The following FRYL variants were observed in gnomAD, a reference collection of about 807,000 sequenced individuals.
FRYL encodes FRY like transcription coactivator, also known as protein furry homolog-like.
Under a neutral mutation model 351.2 loss-of-function variants are expected in FRYL, and 150 were observed. The observed-to-expected ratio is 0.43, with a 90% CI of 0.37 to 0.49. FRYL has a LOEUF of 0.49. Among genes scored for constraint, FRYL ranks in the 20% least tolerant of loss-of-function variants. The pLI is 0.00. For missense variants in FRYL, 3,036 were observed against 3,619.3 expected (o/e 0.84, Z 4.13); for synonymous variants, 1,153 against 1,257.1 (o/e 0.92, Z 1.75).
Position 48,540,530 on chromosome 4 carries a change from T to A in FRYL, c.6118A>T (p.Ser2040Cys). ...LIHLPLDKSE[S>C]REKIENVQSK... The stretch of plus-strand genomic sequence containing the variant: ...TGTACATTTTCAATCTTCTCTCGAC[T>A]CTCTGATTTATCCAAAGGCAAATGG... The change falls in exon 46 of 64, where the codon AGT becomes TGT. Residue 2040 changes from serine to cysteine, a missense_variant. Physicochemically the swap from Ser to Cys is moderately radical, Grantham distance 112 (BLOSUM62 -1). Transcript: ENST00000358350. 1.2e-6 allele frequency: 2 copies of A among 1,614,042 alleles called. No individual in the cohort carries two copies. Among genetic ancestry groups the A allele is most frequent in the South Asian group, 1.1e-5 (1 of 91,078 alleles).
chr4:48,731,294 C>T (rs1308820178), intron 1 of FRYL, among the ~76,000 whole-genome samples: 1 of 152,074 alleles, frequency 6.6e-6, no homozygotes, highest in Non-Finnish European at 1.5e-5. Flanking sequence ...AGGACACAAA[C>T]AAATGGAAAA....
At chr4:48,769,097 G>A (rs1024148384) in intron 1 of FRYL, among the ~76,000 whole-genome samples, 1 of 152,152 alleles carries the variant, frequency 6.6e-6, no homozygotes, top group African/African-American at 2.4e-5. Context: ...TTGCACCACT[G>A]CACTCCAGCC....
At chr4:48,779,552 C>T (rs1274415845) in intron 1 of FRYL, among the ~76,000 whole-genome samples, 1 of 151,888 alleles carries the variant, frequency 6.6e-6, no homozygotes, top group African/African-American at 2.4e-5. Context: ...GCCCGCCAGC[C>T]GCCGCGCTAA....
At chr4:48,651,861 C>T (rs551565027) in intron 3 of FRYL, among the ~76,000 whole-genome samples, 2 of 152,294 alleles carry the variant, frequency 1.3e-5, no homozygotes, top group East Asian at 3.9e-4. Flanking sequence ...TAAAAACGTT[C>T]TTCCACTTTC....
chr4:48,509,198 C>G (rs527384241), intron 59 of FRYL, among the ~76,000 whole-genome samples: 1 of 152,300 alleles, frequency 6.6e-6, no homozygotes, highest in Admixed American at 6.5e-5. Flanking sequence ...AAGGAATAAT[C>G]TTCGCAATAC....
intron 3 of FRYL, among the ~76,000 whole-genome samples, chr4:48,675,680 T>C (rs1205702634): frequency 6.6e-6 from 1 of 152,166 alleles, no homozygotes. Flanking sequence ...CACTCCCTGC[T>C]CCACGGTGCC....
chr4:48,671,871 A>AAAAAAAAAAAAAAAAAAAAG (rs1762789391), intron 3 of FRYL, among the ~76,000 whole-genome samples: 1 of 52,556 alleles, frequency 1.9e-5, no homozygotes, highest in Non-Finnish European at 4.1e-5. Flanking sequence ...AAAAAAAAAA[A>AAAAAAAAAAAAAAAAAAAAG]ACAAAAAAAA....
rs201815095 is a variant in FRYL, at chr4:48,546,133, T to C, written c.5213A>G (p.Asn1738Ser). 35 of 1,613,722 alleles carry C rather than the reference T, an allele frequency of 2.2e-5. No homozygotes were observed. Among genetic ancestry groups the C allele is most frequent in the Admixed American group, 2.2e-4 (13 of 59,958 alleles). The change falls in exon 42 of 64, where the codon AAT becomes AGT. Residue 1738 changes from asparagine (N) to serine (S), a missense_variant. Physicochemically the swap from Asn to Ser is conservative, Grantham distance 46. Coordinates refer to ENST00000358350, the MANE Select transcript of FRYL (RefSeq NM_015030.2). The stretch of plus-strand genomic sequence containing the variant: ...CTGCTCCACTGAGATGTCAACCTCA[T>C]TGAGGATAGTGGTGTGCAGATGTGA... ...AISHLHTTILNEVDISVEQDG... is the reference protein window; with the variant it reads ...AISHLHTTILSEVDISVEQDG...
chr4:48,748,393 A>C (rs1183879100), intron 1 of FRYL, among the ~76,000 whole-genome samples: 1 of 152,170 alleles, frequency 6.6e-6, no homozygotes. Context: ...CTTTCCTTAT[A>C]ATTGTTTATG....
At chr4:48,630,152 C>CA (rs1249043664) in intron 4 of FRYL, among the ~76,000 whole-genome samples, 3 of 151,982 alleles carry the variant, frequency 2.0e-5, no homozygotes, top group African/African-American at 7.2e-5. Flanking sequence ...ACAAGTCCCC[C>CA]AAAAAAGATC....
chr4:48,702,696 G>T (rs1305309807), intron 2 of FRYL, among the ~76,000 whole-genome samples: 1 of 142,272 alleles, frequency 7.0e-6, no homozygotes, highest in Non-Finnish European at 1.5e-5. Flanking sequence ...GGGAGGCGGA[G>T]CTTACAGTGA....
At chr4:48,698,682 T>C (rs542257493) in intron 2 of FRYL, among the ~76,000 whole-genome samples, 6 of 152,264 alleles carry the variant, frequency 3.9e-5, no homozygotes, top group African/African-American at 1.2e-4. Context: ...CATTCCAAAT[T>C]AGTTTGGTCA....
At chr4:48,774,125 G>C (rs757893817) in intron 1 of FRYL, among the ~76,000 whole-genome samples, 1 of 152,050 alleles carries the variant, frequency 6.6e-6, no homozygotes, top group African/African-American at 2.4e-5. Context: ...TGGATCAGTG[G>C]TTGCCTAGGG....
In FRYL at chr4:48,594,007, C is replaced by A; in HGVS notation, c.1258G>T (p.Asp420Tyr). 1 of 1,469,362 alleles carries A rather than the reference C, an allele frequency of 6.8e-7. No homozygotes were observed. Among genetic ancestry groups the A allele is most frequent in the East Asian group, 2.6e-5 (1 of 38,102 alleles). 91.0% of individuals were successfully genotyped at this position (1,469,362 alleles called of 1,614,324 possible). A position where few individuals can be genotyped will look rare whatever the true frequency, so the allele number is the denominator to read the frequency against. ...IIQFIAQERL[D>Y]FAMKEIIFDL... ...AATATTATTTCTTTCATTGCAAAAT[C>A]CAAGCGTTCCTTAAAAAAAAAAAAA... Residue 420 changes from aspartate to tyrosine, a missense_variant, in exon 16 of 64, where the codon GAT becomes TAT. Coordinates refer to ENST00000358350, the MANE Select transcript of FRYL (RefSeq NM_015030.2).
chr4:48,657,862 A>C (rs756766444), intron 3 of FRYL, among the ~76,000 whole-genome samples: 11 of 152,366 alleles, frequency 7.2e-5, no homozygotes, highest in African/African-American at 1.4e-4. Context: ...AAGATTTGAC[A>C]CAAAAGATGA....
intron 1 of FRYL, among the ~76,000 whole-genome samples, chr4:48,753,456 T>C (rs1773455776): frequency 6.6e-6 from 1 of 152,198 alleles, no homozygotes; most frequent in Admixed American, 6.5e-5. Flanking sequence ...ATATAATTCA[T>C]ATACCATAAA....
chr4:48,593,873 T>A lies in FRYL; in HGVS notation c.1335+57A>T, dbSNP rs765099883. The A allele has an allele frequency of 1.1e-4, 80 of 746,532 alleles. No individual in the cohort carries two copies. In the Middle Eastern group the frequency reaches 2.5e-3, roughly 23 times the overall value. 46.2% of individuals were successfully genotyped at this position (746,532 alleles called of 1,614,324 possible). A position where few individuals can be genotyped will look rare whatever the true frequency, so the allele number is the denominator to read the frequency against. On this transcript the variant is annotated intron_variant, in intron 16 of 63. Coordinates refer to ENST00000358350, the MANE Select transcript of FRYL (RefSeq NM_015030.2). ...AACCTAAGAGTTCTGATTCCAGAAA[T>A]CATGCTCTTAAAAAAAAAATCTAGG...
chr4:48,766,322 A>G (rs1171870730), intron 1 of FRYL, among the ~76,000 whole-genome samples: 1 of 152,156 alleles, frequency 6.6e-6, no homozygotes, highest in Non-Finnish European at 1.5e-5. Flanking sequence ...TGAGACTTTT[A>G]CCTTCCTTCA....
At chr4:48,687,705 A>G in intron 2 of FRYL, among the ~76,000 whole-genome samples, 1 of 152,166 alleles carries the variant, frequency 6.6e-6, no homozygotes, top group Non-Finnish European at 1.5e-5. Context: ...TAACACAGGA[A>G]ACAACAATCC....
Sources: allele counts gnomAD v4.1 joint callset (sites outside exome capture counted in the v4.1 genomes callset), GRCh38; gene constraint gnomAD v4.1.1; transcripts MANE v1.5; gene names NCBI Gene and HGNC (gene_info 2026-07-23, HGNC 2026-07-21).